EXO1: variants seen among roughly 807,000 people sequenced by gnomAD.
EXO1 encodes exonuclease 1.
Under a neutral mutation model 84.5 loss-of-function variants are expected in EXO1, and 69 were observed. The observed-to-expected ratio is 0.82, with a 90% CI of 0.67 to 1.00. The LOEUF is 1.00. EXO1 is among the 50% of genes least tolerant of loss of function. The pLI is 0.00. For missense variants in EXO1, 1,045 were observed against 1,000.7 expected (o/e 1.04, Z -0.60); for synonymous variants, 373 against 366.1 (o/e 1.02, Z -0.21).
chr1:241,881,519 C>T (rs1348161778), intron 13 of EXO1, among the ~76,000 whole-genome samples: 3 of 152,062 alleles, frequency 2.0e-5, no homozygotes, highest in African/African-American at 4.8e-5. Flanking sequence ...TAAAGTTGAA[C>T]GTGTTACATG....
At chr1:241,885,941 C>T (rs1306755086) in intron 15 of EXO1, among the ~76,000 whole-genome samples, 2 of 151,630 alleles carry the variant, frequency 1.3e-5, no homozygotes, top group Non-Finnish European at 1.5e-5. Flanking sequence ...GCAACCTCCG[C>T]CACCTGGGCT....
rs4149967 is a variant in EXO1 at position 241,872,272 on chromosome 1, G to C, written c.1508G>C (p.Arg503Thr). ...GGTGCAGTTGTGGTTCCAGGGACCA[G>C]AAGCAGGTATAGTTATGTCTCCAGA... ...ESGAVVVPGT[R>T]SRFFCSSDST... is the part of the protein sequence containing the mutation. The change falls in exon 12 of 16, where the codon AGA (arginine) becomes ACA (threonine). Residue 503 changes from arginine to threonine, a missense_variant. Physicochemically the swap from Arg to Thr is moderately conservative, Grantham distance 71. Coordinates refer to ENST00000366548, the MANE Select transcript of EXO1 (RefSeq NM_130398.4). 3.0e-4 allele frequency: 484 copies of C among 1,613,868 alleles called. No homozygotes were observed. The highest frequency in any genetic ancestry group is 3.8e-4 in the Non-Finnish European group (453 of 1,179,906).
chr1:241,850,409 G>T lies in EXO1; in HGVS notation c.-17G>T, dbSNP rs766537209. The T allele has an allele frequency of 6.3e-7, 1 of 1,598,786 alleles. No individual in the cohort carries two copies. The highest frequency in any genetic ancestry group is 8.6e-7 in the Non-Finnish European group (1 of 1,166,204). ...TTCTCCCTGTCTCTTTTCATATCAG[G>T]TAGTTAATTTGGCACCATGGGGATA... On this transcript the variant is annotated splice_region_variant and 5_prime_UTR_variant, in exon 4 of 16. Transcript: ENST00000366548.
At chr1:241,855,161 T>G (rs906147033) in intron 6 of EXO1, among the ~76,000 whole-genome samples, 19 of 152,184 alleles carry the variant, frequency 1.2e-4, no homozygotes, top group Non-Finnish European at 2.4e-4. Context: ...CCAGCTTTTA[T>G]TCTCTTATCT....
At chr1:241,889,086 AAT>A (rs1574197067) in intron 15 of EXO1, among the ~76,000 whole-genome samples, 1 of 150,312 alleles carries the variant, frequency 6.7e-6, no homozygotes, top group African/African-American at 2.4e-5. Flanking sequence ...GAAAAAAAAT[AAT>A]AATAAGATTT....
At chr1:241,889,355 A>G (rs919919208) in intron 15 of EXO1, 110 bp from the exon 16 acceptor site, 15 of 929,260 alleles carry the variant, frequency 1.6e-5, no homozygotes, top group African/African-American at 1.5e-4. Flanking sequence ...GAGATCGTAC[A>G]GTAAAGGGTC....
chr1:241,874,541 T>C (rs189941706), intron 12 of EXO1, among the ~76,000 whole-genome samples: 100 of 152,346 alleles, frequency 6.6e-4, no homozygotes, highest in African/African-American at 2.2e-3. Context: ...CAAGGACCAG[T>C]TGGGCTGTTG....
At chr1:241,875,838 A>C (rs1199962420) in intron 12 of EXO1, among the ~76,000 whole-genome samples, 3 of 152,228 alleles carry the variant, frequency 2.0e-5, no homozygotes, top group Non-Finnish European at 4.4e-5. Flanking sequence ...AGATCACGCC[A>C]CTGCACTCCA....
In EXO1 at chr1:241,867,237, G is replaced by A. The variant is rs757539; in HGVS notation, c.1267+182G>A. 7.7e-3 allele frequency among the ~76,000 whole-genome samples: 1,176 copies of A among 152,282 alleles called. 18 individuals are homozygous for A. The highest frequency in any genetic ancestry group is 0.027 in the African/African-American group (1,117 of 41,550). ...GACTGGGCAATTTACAAAAGAAAGA[G>A]GTTTAATGGACGCACAGTTCCATGT... On this transcript the variant is annotated intron_variant, in intron 11 of 15. Transcript: ENST00000366548.
chr1:241,869,691 C>T (rs1280777104), intron 11 of EXO1, among the ~76,000 whole-genome samples: 1 of 151,938 alleles, frequency 6.6e-6, no homozygotes, highest in Admixed American at 6.6e-5. Flanking sequence ...ATAATATATA[C>T]TTGTTATATA....
intron 11 of EXO1, among the ~76,000 whole-genome samples, chr1:241,868,744 A>G (rs1378839390): frequency 1.3e-5 from 2 of 152,230 alleles, no homozygotes; most frequent in South Asian, 2.1e-4. Context: ...TTTTAACAAT[A>G]CTGAGTTTTC....
chr1:241,888,766 C>T (rs12747327), intron 15 of EXO1, among the ~76,000 whole-genome samples: 32,495 of 152,008 alleles, frequency 0.21, 3,848 homozygotes, highest in East Asian at 0.45. Context: ...AGAAAACAAC[C>T]GAGAGGGGAA....
chr1:241,853,755 G>T (rs4149869), intron 6 of EXO1, among the ~76,000 whole-genome samples: 11,741 of 152,152 alleles, frequency 0.077, 717 homozygotes, highest in Admixed American at 0.19. Context: ...GCTCACACCA[G>T]TAATCCCAGC....
At chr1:241,870,135 G>T (rs1379960399) in intron 11 of EXO1, among the ~76,000 whole-genome samples, 1 of 152,064 alleles carries the variant, frequency 6.6e-6, no homozygotes, top group African/African-American at 2.4e-5. Context: ...ATTTTCTTCT[G>T]CTACAATCAA....
At chr1:241,874,323 C>T (rs976202207) in intron 12 of EXO1, among the ~76,000 whole-genome samples, 2 of 152,252 alleles carry the variant, frequency 1.3e-5, no homozygotes, top group East Asian at 1.9e-4. Context: ...TGCTTGAACC[C>T]GGGAGGAGGT....
chr1:241,879,028 A>G lies in EXO1; in HGVS notation c.1794A>G (p.Ser598=), dbSNP rs371267538. Residue 598 remains serine (S), a synonymous_variant, in exon 13 of 16, where the codon TCA becomes TCG. Transcript: ENST00000366548. The stretch of plus-strand genomic sequence containing the variant: ...GCAGCAAATTTACAAGGACCATTTC[A>G]CCACCCACTTTGGGAACACTAAGAA... ...FESSKFTRTI[S]PPTLGTLRSC... 19 of 1,614,202 alleles carry G rather than the reference A, an allele frequency of 1.2e-5. No homozygotes were observed. The Admixed American group carries it at 1.3e-4, about 11-fold the overall frequency.
Position 241,866,996 on chromosome 1 carries a change from T to G in EXO1, c.1208T>G (p.Ile403Ser), listed in dbSNP as rs1160688113. 7.4e-6 allele frequency: 12 copies of G among 1,613,894 alleles called. No homozygotes were observed. The highest frequency in any genetic ancestry group is 1.0e-5 in the Non-Finnish European group (12 of 1,179,950). ...NPSTVGVERV[I>S]STKGLNLPRK... Reference sequence around the variant, plus strand: ...AGTACTGTGGGAGTGGAACGAGTGATTAGTACTAAAGGGTTAAATCTCCCA... The same window carrying G: ...AGTACTGTGGGAGTGGAACGAGTGAGTAGTACTAAAGGGTTAAATCTCCCA... Residue 403 changes from isoleucine to serine, a missense_variant, in exon 11 of 16, where the codon ATT becomes AGT. Ile to Ser is a moderately radical substitution (Grantham distance 142). Transcript: ENST00000366548.
chr1:241,885,438 A>G lies in EXO1; in HGVS notation c.2336A>G (p.His779Arg), dbSNP rs1237169133. 6.2e-7 allele frequency: 1 copy of G among 1,613,946 alleles called. No individual in the cohort carries two copies. Among genetic ancestry groups the G allele is most frequent in the Non-Finnish European group, 8.5e-7 (1 of 1,179,896 alleles). Residue 779 changes from histidine (H) to arginine (R), a missense_variant, in exon 15 of 16, where the codon CAT becomes CGT. His to Arg is a conservative substitution (Grantham distance 29). Transcript: ENST00000366548. ...GCAAGCATCCAGAAGAGAAAGCATC[A>G]TAATGCCGAGAACAAGCCGGGGTTA... ...KPASIQKRKH[H>R]NAENKPGLQI...
At chr1:241,855,550 A>G (rs1028869804) in intron 6 of EXO1, among the ~76,000 whole-genome samples, 4 of 152,254 alleles carry the variant, frequency 2.6e-5, no homozygotes, top group African/African-American at 9.6e-5. Flanking sequence ...CTGCAGGTGA[A>G]GCTGCCTGTC....
Sources: allele counts gnomAD v4.1 joint callset (sites outside exome capture counted in the v4.1 genomes callset), GRCh38; gene constraint gnomAD v4.1.1; transcripts MANE v1.5; gene names NCBI Gene and HGNC (gene_info 2026-07-23, HGNC 2026-07-21).